The following NDST4 variants were observed in gnomAD, a reference collection of about 807,000 sequenced individuals.
The protein encoded by NDST4 is N-heparan sulfate sulfotransferase 4.
A neutral mutation model predicts 100.8 loss-of-function variants in NDST4; 63 were observed. That is an observed-to-expected ratio of 0.62 (90% CI 0.51 to 0.77). The LOEUF (loss-of-function observed/expected upper bound fraction) is 0.77, where lower values mean the gene tolerates loss of function less well. NDST4 is among the 30% of genes least tolerant of loss of function. NDST4 has a pLI of 0.00. For missense variants in NDST4, 943 were observed against 1,018.4 expected, an observed-to-expected ratio of 0.93 and a Z score of 1.01; for synonymous variants, 377 against 361.8, an observed-to-expected ratio of 1.04 and a Z score of -0.48.
intron 6 of NDST4, among the ~76,000 whole-genome samples, chr4:114,890,981 T>C (rs1724581907): frequency 6.6e-6 from 1 of 152,068 alleles, no homozygotes. Flanking sequence ...CATTAGTTCT[T>C]TTGTATTTGG....
At chr4:115,001,674 G>A (rs1408100765) in intron 2 of NDST4, among the ~76,000 whole-genome samples, 1 of 151,708 alleles carries the variant, frequency 6.6e-6, no homozygotes, top group Admixed American at 6.6e-5. Context: ...AATCCTTCAG[G>A]ACTAGAACCA....
At chr4:115,024,393 A>T (rs1212197713) in intron 2 of NDST4, among the ~76,000 whole-genome samples, 1 of 152,096 alleles carries the variant, frequency 6.6e-6, no homozygotes, top group Non-Finnish European at 1.5e-5. Flanking sequence ...GCCTTGGGGG[A>T]TGCAGGATGC....
intron 6 of NDST4, among the ~76,000 whole-genome samples, chr4:114,872,013 A>G (rs1408470484): frequency 6.6e-6 from 1 of 152,042 alleles, no homozygotes; most frequent in Non-Finnish European, 1.5e-5. Flanking sequence ...TCTCATGGCT[A>G]ATATTTGTAT....
At chr4:114,923,557 GACTA>G (rs1725329678) in intron 6 of NDST4, among the ~76,000 whole-genome samples, 1 of 152,026 alleles carries the variant, frequency 6.6e-6, no homozygotes, top group South Asian at 2.1e-4. Context: ...TAATTTTGTA[GACTA>G]ACCAACTTCT....
In NDST4 at chr4:114,986,793, C is replaced by CATATGTATATATATATAT. The variant is rs1218840726; in HGVS notation, c.979-9520_979-9519insATATATATATATACATAT. Among the ~76,000 whole-genome samples, 39 of 91,138 alleles carry CATATGTATATATATATAT rather than the reference C, an allele frequency of 4.3e-4. 1 individual carries two copies. Among genetic ancestry groups the CATATGTATATATATATAT allele is most frequent in the African/African-American group, 1.6e-3 (35 of 22,114 alleles). 59.8% of individuals were successfully genotyped at this position (91,138 alleles called of 152,430 possible). ...CCTCTAAGCCTGGTATCCAATTATA[C>CATATGTATATATATATAT]ATATATATATATATATATATATATA... is the stretch of plus-strand genomic sequence containing the variant. On this transcript the variant is annotated intron_variant, in intron 2 of 13. Coordinates refer to ENST00000264363, the MANE Select transcript of NDST4 (RefSeq NM_022569.3).
At chr4:114,919,687 T>C (rs940865251) in intron 6 of NDST4, among the ~76,000 whole-genome samples, 2 of 152,160 alleles carry the variant, frequency 1.3e-5, no homozygotes, top group African/African-American at 4.8e-5. Flanking sequence ...TGAGAAAGCA[T>C]TGGAGGACAT....
chr4:114,862,472 C>A (rs1460237353), intron 7 of NDST4, among the ~76,000 whole-genome samples: 1 of 152,158 alleles, frequency 6.6e-6, no homozygotes, highest in Non-Finnish European at 1.5e-5. Context: ...TAGATGTTCA[C>A]TTCATTTGCT....
At chr4:114,998,881 C>T (rs1727221422) in intron 2 of NDST4, among the ~76,000 whole-genome samples, 1 of 152,042 alleles carries the variant, frequency 6.6e-6, no homozygotes, top group Non-Finnish European at 1.5e-5. Flanking sequence ...ACCTCATCCA[C>T]CAAGCCTCAT....
At chr4:114,946,240 T>A (rs571269272) in intron 4 of NDST4, among the ~76,000 whole-genome samples, 7 of 152,246 alleles carry the variant, frequency 4.6e-5, no homozygotes, top group Admixed American at 2.0e-4. Context: ...GTCCAACACA[T>A]GGCTTATTAA....
At chr4:114,893,769 C>T (rs58988689) in intron 6 of NDST4, among the ~76,000 whole-genome samples, 1,937 of 152,218 alleles carry the variant, frequency 0.013, 43 homozygotes, top group African/African-American at 0.044. Flanking sequence ...TCAATTTTGG[C>T]TTTTGTTGCA....
chr4:114,886,165 A>G (rs1304120164), intron 6 of NDST4, among the ~76,000 whole-genome samples: 1 of 152,130 alleles, frequency 6.6e-6, no homozygotes, highest in African/African-American at 2.4e-5. Context: ...TATATTTGCC[A>G]AAGAAAACGT....
intron 6 of NDST4, among the ~76,000 whole-genome samples, chr4:114,898,366 T>C (rs984338774): frequency 2.6e-5 from 4 of 152,192 alleles, no homozygotes; most frequent in African/African-American, 7.2e-5. Context: ...GCTAACTATA[T>C]TTATGAATGT....
intron 7 of NDST4, among the ~76,000 whole-genome samples, chr4:114,854,140 A>G (rs1723738850): frequency 6.6e-6 from 1 of 152,146 alleles, no homozygotes. Context: ...AGCCCCTGGT[A>G]CCCATCATTG....
At chr4:114,892,955 T>G (rs1415551093) in intron 6 of NDST4, among the ~76,000 whole-genome samples, 1 of 152,116 alleles carries the variant, frequency 6.6e-6, no homozygotes, top group Non-Finnish European at 1.5e-5. Context: ...CCACGTGTTC[T>G]CAATATTTGA....
chr4:115,049,464 C>T (rs771154591), intron 2 of NDST4, among the ~76,000 whole-genome samples: 2 of 151,902 alleles, frequency 1.3e-5, no homozygotes, highest in Non-Finnish European at 2.9e-5. Flanking sequence ...GTTTGGTAGA[C>T]CCCTACACTA....
chr4:115,067,570 G>A (rs185778481), intron 2 of NDST4, among the ~76,000 whole-genome samples: 1 of 150,948 alleles, frequency 6.6e-6, no homozygotes, highest in Non-Finnish European at 1.5e-5. Flanking sequence ...CAAATTTTAA[G>A]ATTTTATTTT....
At chr4:114,888,584 C>T (rs920055890) in intron 6 of NDST4, among the ~76,000 whole-genome samples, 3 of 152,268 alleles carry the variant, frequency 2.0e-5, no homozygotes, top group South Asian at 2.1e-4. Context: ...CTTAGAGTAA[C>T]GCATCAGGCT....
chr4:114,900,638 A>G (rs1724817021), intron 6 of NDST4, among the ~76,000 whole-genome samples: 1 of 152,140 alleles, frequency 6.6e-6, no homozygotes, highest in African/African-American at 2.4e-5. Flanking sequence ...AATAGACTGA[A>G]CTATATAGCT....
chr4:114,969,321 GAAAA>G lies in NDST4; in HGVS notation c.1221+1105_1221+1108del, dbSNP rs70964334. Among the ~76,000 whole-genome samples the G allele has an allele frequency of 6.9e-3, 630 of 90,736 alleles. 4 individuals are homozygous for G. Among genetic ancestry groups the G allele is most frequent in the African/African-American group, 0.024 (587 of 24,412 alleles). The allele number at this position is 90,736 out of a possible 152,430, so 59.5% of individuals were successfully genotyped here. A position where few individuals can be genotyped will look rare whatever the true frequency, so the allele number is the denominator to read the frequency against. On this transcript the variant is annotated intron_variant, in intron 4 of 13. Transcript: ENST00000264363. ...AGAGCGAGACTCCGTCTCAAAAAAA[GAAAA>G]AAAAAAAAAAAAAAAAAAAAAAGTT...
Sources: gnomAD v4.1 joint callset for allele counts (sites outside exome capture counted in the v4.1 genomes callset) on GRCh38, gnomAD v4.1.1 for gene constraint, MANE v1.5 for transcripts, NCBI Gene and HGNC (gene_info 2026-07-23, HGNC 2026-07-21) for gene names.